Variants in SHROOM3 observed in about 807,000 individuals in gnomAD.
The protein encoded by SHROOM3 is protein Shroom3.
Under a neutral mutation model 138.6 loss-of-function variants are expected in SHROOM3, and 47 were observed. That is an observed-to-expected ratio of 0.34 (90% confidence interval 0.27 to 0.43). The LOEUF (loss-of-function observed/expected upper bound fraction) is 0.43, where lower values mean the gene tolerates loss of function less well. Ranked by LOEUF, SHROOM3 falls within the 20% of genes least tolerant of loss-of-function variation. The pLI is 1.00. For missense variants in SHROOM3, 2,491 were observed against 2,596.5 expected (o/e 0.96, Z 0.88); for synonymous variants, 1,062 against 1,063.3 (o/e 1.00, Z 0.02).
At chr4:76,464,053 A>G (rs1731197993) in intron 1 of SHROOM3, among the ~76,000 whole-genome samples, 1 of 152,194 alleles carries the variant, frequency 6.6e-6, no homozygotes, top group African/African-American at 2.4e-5. Flanking sequence ...GAAGAAAGTC[A>G]CTGTCCTCCA....
intron 1 of SHROOM3, among the ~76,000 whole-genome samples, chr4:76,544,879 A>G (rs17255683): frequency 0.29 from 43,793 of 152,106 alleles, 6,659 homozygotes; most frequent in Middle Eastern, 0.37. Flanking sequence ...CTTCTTTTAC[A>G]GCTGGTCTCT....
intron 2 of SHROOM3, among the ~76,000 whole-genome samples, chr4:76,640,025 GTTTA>G (rs1486408698): frequency 6.6e-6 from 1 of 151,952 alleles, no homozygotes; most frequent in African/African-American, 2.4e-5. Context: ...TCTGAATGGT[GTTTA>G]TTTTAGATTT....
chr4:76,537,184 G>A (rs1336858470), intron 1 of SHROOM3, among the ~76,000 whole-genome samples: 3 of 152,132 alleles, frequency 2.0e-5, no homozygotes, highest in African/African-American at 7.2e-5. Context: ...TGAGAGGGAG[G>A]TATTTCAAAG....
At chr4:76,502,118 G>C (rs1460610113) in intron 1 of SHROOM3, among the ~76,000 whole-genome samples, 1 of 152,154 alleles carries the variant, frequency 6.6e-6, no homozygotes, top group African/African-American at 2.4e-5. Flanking sequence ...GAGAGACTCA[G>C]CTCTCTGGCA....
At chr4:76,756,378 C>T (rs1578023015) in intron 7 of SHROOM3, 71 bp from the exon 8 acceptor site, 2 of 1,530,086 alleles carry the variant, frequency 1.3e-6, no homozygotes, top group East Asian at 4.9e-5. Flanking sequence ...ACCCTCTTAT[C>T]ATCACCCTTC....
intron 1 of SHROOM3, among the ~76,000 whole-genome samples, chr4:76,518,476 T>TTGCC (rs1185725350): frequency 6.7e-6 from 1 of 148,538 alleles, no homozygotes; most frequent in East Asian, 2.3e-4. Context: ...TCCTTCCTTT[T>TTGCC]TGCCTGTCTG....
At chr4:76,595,972 T>C (rs1286382888) in intron 2 of SHROOM3, among the ~76,000 whole-genome samples, 1 of 152,212 alleles carries the variant, frequency 6.6e-6, no homozygotes, top group Non-Finnish European at 1.5e-5. Context: ...AGTTCTCTGC[T>C]CCATGGTTGT....
chr4:76,754,329 A>G lies in SHROOM3; in HGVS notation c.3846A>G (p.Glu1282=), dbSNP rs1267041116. 3.7e-6 allele frequency: 6 copies of G among 1,614,138 alleles called. No individual in the cohort carries two copies. The highest frequency in any genetic ancestry group is 5.1e-6 in the Non-Finnish European group (6 of 1,180,028). The change falls in exon 7 of 11, where the codon GAA becomes GAG. Residue 1282 remains glutamate, a synonymous_variant. Transcript: ENST00000296043. ...GPGSRSLSCS[E]RGQEEMLPLF... Reference sequence around the variant, plus strand: ...GTTCCAGGTCACTCAGTTGTTCAGAAAGAGGCCAAGAAGAGATGCTGCCGC... The same window carrying G: ...GTTCCAGGTCACTCAGTTGTTCAGAGAGAGGCCAAGAAGAGATGCTGCCGC...
intron 3 of SHROOM3, among the ~76,000 whole-genome samples, chr4:76,719,781 T>G (rs1452858244): frequency 5.3e-5 from 8 of 152,184 alleles, no homozygotes; most frequent in Non-Finnish European, 5.9e-5. Context: ...CTTCAAAAAC[T>G]GTTTCAGAAT....
chr4:76,739,733 G>C lies in SHROOM3; in HGVS notation c.1560G>C (p.Gln520His), dbSNP rs371132048. The C allele has an allele frequency of 2.5e-6, 4 of 1,614,238 alleles. No individual in the cohort carries two copies. The highest frequency in any genetic ancestry group is 3.4e-6 in the Non-Finnish European group (4 of 1,180,048). The stretch of plus-strand genomic sequence containing the variant: ...CTACCATTGATGAGAATGGGAACCA[G>C]AATGGATCTGGCAGGCCTGGGTTTG... Reference protein sequence around the residue: ...KMATIDENGNQNGSGRPGFAF... With the variant: ...KMATIDENGNHNGSGRPGFAF... Residue 520 changes from glutamine to histidine, a missense_variant, in exon 5 of 11, where the codon CAG becomes CAC. Transcript: ENST00000296043.
rs571207655 is a variant in SHROOM3, at chr4:76,448,964, A to G, written c.168+12744A>G. Among the ~76,000 whole-genome samples, 3 of 152,266 alleles carry G rather than the reference A, an allele frequency of 2.0e-5. No individual in the cohort carries two copies. In the East Asian group the frequency reaches 5.8e-4, roughly 29 times the overall value. On this transcript the variant is annotated intron_variant, in intron 1 of 10. Coordinates refer to ENST00000296043, the MANE Select transcript of SHROOM3 (RefSeq NM_020859.4). ...GTGGAAATCCATCCCTAGACAGGAT[A>G]TTTTGTAGTTCTCTCTTTCGGTCTT...
At chr4:76,774,898 T>A (rs974288856) in intron 10 of SHROOM3, among the ~76,000 whole-genome samples, 5 of 152,076 alleles carry the variant, frequency 3.3e-5, no homozygotes, top group African/African-American at 1.2e-4. Context: ...TATTTTGTAT[T>A]GAGGTATACT....
intron 2 of SHROOM3, among the ~76,000 whole-genome samples, chr4:76,627,528 A>G (rs1735181236): frequency 6.6e-6 from 1 of 152,172 alleles, no homozygotes; most frequent in Admixed American, 6.5e-5. Flanking sequence ...ACAAGGATTT[A>G]GGGAGAATGC....
At chr4:76,552,583 G>A (rs951826614) in intron 1 of SHROOM3, among the ~76,000 whole-genome samples, 2 of 150,298 alleles carry the variant, frequency 1.3e-5, no homozygotes, top group African/African-American at 4.9e-5. Flanking sequence ...AATTATATAT[G>A]TATATACATA....
intron 2 of SHROOM3, among the ~76,000 whole-genome samples, chr4:76,587,599 A>AT (rs1476131308): frequency 1.3e-5 from 2 of 152,080 alleles, no homozygotes; most frequent in Non-Finnish European, 2.9e-5. Flanking sequence ...GGAGTTTTCC[A>AT]TTTTTTTCAG....
At chr4:76,637,840 G>C (rs548426130) in intron 2 of SHROOM3, among the ~76,000 whole-genome samples, 1 of 152,316 alleles carries the variant, frequency 6.6e-6, no homozygotes, top group African/African-American at 2.4e-5. Context: ...GTCAGGGCGA[G>C]TGCCTTGGGA....
At chr4:76,632,170 C>A (rs1481152463) in intron 2 of SHROOM3, among the ~76,000 whole-genome samples, 1 of 151,942 alleles carries the variant, frequency 6.6e-6, no homozygotes, top group Non-Finnish European at 1.5e-5. Context: ...ATCTGACATC[C>A]GGGCAGGTAA....
chr4:76,538,433 A>G (rs184847812), intron 1 of SHROOM3, among the ~76,000 whole-genome samples: 3 of 152,172 alleles, frequency 2.0e-5, no homozygotes, highest in Non-Finnish European at 4.4e-5. Context: ...CTGGAAGGAC[A>G]TCTGTGAGGA....
At position 76,565,159 on chromosome 4, in the gene SHROOM3, TCAAAAA is replaced by T. The variant is rs1320436828; in HGVS notation, c.323+9397_323+9402del. ...CTGGGTGACAGGGCGAGACTCCATT[TCAAAAA>T]AAAAAAAAAAAAAAAAAGAATGGCA... On this transcript the variant is annotated intron_variant, in intron 2 of 10. Transcript: ENST00000296043. Among the ~76,000 whole-genome samples the T allele has an allele frequency of 1.3e-3, 98 of 75,688 alleles. 1 individual carries two copies. In the Middle Eastern group the frequency reaches 0.018, roughly 14 times the overall value. The allele number at this position is 75,688 out of a possible 152,430, so 49.7% of individuals were successfully genotyped here.
Sources: allele counts gnomAD v4.1 joint callset (sites outside exome capture counted in the v4.1 genomes callset), GRCh38; gene constraint gnomAD v4.1.1; transcripts MANE v1.5; gene names NCBI Gene and HGNC (gene_info 2026-07-23, HGNC 2026-07-21).